The following HPSE2 variants were observed in gnomAD, a reference collection of about 807,000 sequenced individuals.
The protein encoded by HPSE2 is inactive heparanase-2.
A neutral mutation model predicts 60.5 loss-of-function variants in HPSE2; 38 were observed. That is an observed-to-expected ratio of 0.63 (90% CI 0.48 to 0.82). HPSE2 has a LOEUF of 0.82. Ranked by LOEUF, HPSE2 falls within the 40% of genes least tolerant of loss-of-function variation. The probability of loss-of-function intolerance (pLI) is 0.00; values close to 1 mark genes in which losing one functional copy is unlikely to be tolerated. For synonymous variants in HPSE2, 295 were observed against 293.2 expected, an observed-to-expected ratio of 1.01 and a Z score of -0.06; for missense variants, 713 against 740.4, an observed-to-expected ratio of 0.96 and a Z score of 0.43.
upstream of HPSE2, among the ~76,000 whole-genome samples, chr10:99,238,963 C>A (rs117887258): frequency 1.3e-3 from 196 of 152,078 alleles, no homozygotes; most frequent in Non-Finnish European, 1.9e-3. Context: ...AGTTCGAGAC[C>A]AACCTGGCAA....
At chr10:98,464,763 C>G (rs536723123) in intron 11 of HPSE2, among the ~76,000 whole-genome samples, 62 of 152,164 alleles carry the variant, frequency 4.1e-4, no homozygotes, top group Non-Finnish European at 7.8e-4. Context: ...TCTAAAGAGG[C>G]TCCCTGGAGG....
chr10:98,500,038 C>A (rs539057741), intron 9 of HPSE2, among the ~76,000 whole-genome samples: 10 of 152,158 alleles, frequency 6.6e-5, no homozygotes, highest in South Asian at 2.1e-4. Flanking sequence ...ACTAATAGAC[C>A]TAAGAAATAA....
In HPSE2 at chr10:98,807,609, C is replaced by T. The variant is rs555592576; in HGVS notation, c.611-63553G>A. Reference sequence around the variant, plus strand: ...TTCCCAGAGAGTTGTGCTGATAACACGATGGATTCCATTTCACTGATGTGA... The same window carrying T: ...TTCCCAGAGAGTTGTGCTGATAACATGATGGATTCCATTTCACTGATGTGA... On this transcript the variant is annotated intron_variant, in intron 3 of 11. Transcript: ENST00000370552. Among the ~76,000 whole-genome samples the T allele has an allele frequency of 3.4e-3, 514 of 152,304 alleles. 3 individuals are homozygous for T. The highest frequency in any genetic ancestry group is 0.014 in the Middle Eastern group (4 of 294).
intron 3 of HPSE2, among the ~76,000 whole-genome samples, chr10:98,745,802 CAG>C (rs1209230516): frequency 1.3e-5 from 2 of 152,072 alleles, no homozygotes; most frequent in Admixed American, 6.6e-5. Flanking sequence ...AAAGCTAATG[CAG>C]AGTTTCTCAA....
intron 8 of HPSE2, among the ~76,000 whole-genome samples, chr10:98,618,911 A>G (rs1945996438): frequency 6.6e-6 from 1 of 152,040 alleles, no homozygotes; most frequent in Admixed American, 6.6e-5. Flanking sequence ...TCTTAACCAC[A>G]CTATATCAAA....
At chr10:98,943,023 T>C (rs1004144588) in intron 3 of HPSE2, among the ~76,000 whole-genome samples, 3 of 140,308 alleles carry the variant, frequency 2.1e-5, no homozygotes, top group South Asian at 2.3e-4. Flanking sequence ...TAGGTGGGAA[T>C]TGAACTATGA....
intron 3 of HPSE2, among the ~76,000 whole-genome samples, chr10:98,968,115 G>T (rs1273292157): frequency 6.6e-6 from 1 of 152,046 alleles, no homozygotes; most frequent in African/African-American, 2.4e-5. Context: ...ATGTAAGGAA[G>T]CTTGACAGAT....
intron 11 of HPSE2, among the ~76,000 whole-genome samples, chr10:98,477,265 C>T (rs1941059151): frequency 6.6e-6 from 1 of 152,146 alleles, no homozygotes; most frequent in Non-Finnish European, 1.5e-5. Flanking sequence ...AAAGTTGCAG[C>T]CATAGGTACA....
chr10:98,578,632 G>T lies in HPSE2; in HGVS notation c.1320+36272C>A, dbSNP rs905465339. Among the ~76,000 whole-genome samples, 22 of 152,220 alleles carry T rather than the reference G, an allele frequency of 1.4e-4. No individual in the cohort carries two copies. The South Asian group carries it at 4.6e-3, about 32-fold the overall frequency. On this transcript the variant is annotated intron_variant, in intron 9 of 11. Transcript: ENST00000370552. ...GATTAGTATAAACAAGCATACAAAA[G>T]AAATTAAAATTATAAAATTACTTCT... is the stretch of plus-strand genomic sequence containing the variant.
chr10:98,563,045 A>C (rs1281483550), intron 9 of HPSE2, among the ~76,000 whole-genome samples: 2 of 152,226 alleles, frequency 1.3e-5, no homozygotes, highest in Non-Finnish European at 2.9e-5. Context: ...TTACACACAG[A>C]GTTACCATAT....
intron 6 of HPSE2, among the ~76,000 whole-genome samples, chr10:98,642,264 AAGTAATTTAAC>A (rs1228756395): frequency 6.6e-6 from 1 of 152,206 alleles, no homozygotes; most frequent in Non-Finnish European, 1.5e-5. Flanking sequence ...CCCCTTGAGA[AAGTAATTTAAC>A]ACCCATCCCA....
intron 3 of HPSE2, among the ~76,000 whole-genome samples, chr10:99,090,444 T>C (rs1315027941): frequency 6.6e-6 from 1 of 152,148 alleles, no homozygotes; most frequent in Non-Finnish European, 1.5e-5. Flanking sequence ...GAAGTTCTAC[T>C]GCAACAAGAC....
intron 3 of HPSE2, among the ~76,000 whole-genome samples, chr10:98,882,606 A>C (rs1953055112): frequency 6.6e-6 from 1 of 152,116 alleles, no homozygotes; most frequent in Non-Finnish European, 1.5e-5. Context: ...AAAGTTTTTC[A>C]TTATATCACT....
At chr10:99,238,000 T>C (rs1471724301), upstream of HPSE2, among the ~76,000 whole-genome samples, 1 of 152,240 alleles carries the variant, frequency 6.6e-6, no homozygotes, top group African/African-American at 2.4e-5. Flanking sequence ...TTATTTGTCA[T>C]AGTAAATTAT....
At chr10:98,559,595 C>T (rs1394703818) in intron 9 of HPSE2, among the ~76,000 whole-genome samples, 5 of 152,278 alleles carry the variant, frequency 3.3e-5, no homozygotes, top group African/African-American at 7.2e-5. Context: ...TTAATCCATC[C>T]GCTCACTCAC....
intron 3 of HPSE2, among the ~76,000 whole-genome samples, chr10:98,872,802 C>T (rs1000112437): frequency 6.6e-6 from 1 of 152,158 alleles, no homozygotes; most frequent in African/African-American, 2.4e-5. Flanking sequence ...GAGTACGAAG[C>T]TGTCATGTTC....
chr10:98,770,289 T>C (rs1160835408), intron 3 of HPSE2, among the ~76,000 whole-genome samples: 1 of 152,320 alleles, frequency 6.6e-6, no homozygotes, highest in South Asian at 2.1e-4. Context: ...ACTAATGGAA[T>C]GGTGGAATCT....
the HPSE2 span, among the ~76,000 whole-genome samples, chr10:99,303,777 A>G: frequency 3.9e-5 from 6 of 152,152 alleles, no homozygotes; most frequent in Non-Finnish European, 7.4e-5. Context: ...AAGGCACTTT[A>G]ATTTTGCTCT....
intron 3 of HPSE2, among the ~76,000 whole-genome samples, chr10:98,955,613 C>T (rs1225400459): frequency 1.3e-5 from 2 of 152,110 alleles, no homozygotes; most frequent in African/African-American, 4.8e-5. Context: ...TAGGTATATA[C>T]CCAAAAGAAT....
Sources: allele counts gnomAD v4.1 joint callset (sites outside exome capture counted in the v4.1 genomes callset), GRCh38; gene constraint gnomAD v4.1.1; transcripts MANE v1.5; gene names NCBI Gene and HGNC (gene_info 2026-07-23, HGNC 2026-07-21).